The following LRP5 variants were observed in gnomAD, a reference collection of about 807,000 sequenced individuals.
LRP5 encodes the protein low-density lipoprotein receptor-related protein 5.
In LRP5, 62 loss-of-function variants were observed where a neutral mutation model predicts 154.1. The ratio of observed to expected loss-of-function variants is 0.40; its 90% CI spans 0.33 to 0.50. The LOEUF is 0.50. Among genes scored for constraint, LRP5 ranks in the 20% least tolerant of loss-of-function variants. The probability of loss-of-function intolerance (pLI) is 0.55; values close to 1 mark genes in which losing one functional copy is unlikely to be tolerated. For synonymous variants in LRP5, 966 were observed against 1,011.5 expected, an observed-to-expected ratio of 0.96 and a Z score of 0.85; for missense variants, 1,915 against 2,336.7, an observed-to-expected ratio of 0.82 and a Z score of 3.72.
At chr11:68,436,572 A>G (rs2098675084) in intron 18 of LRP5, among the ~76,000 whole-genome samples, 1 of 151,882 alleles carries the variant, frequency 6.6e-6, no homozygotes, top group African/African-American at 2.4e-5. Context: ...CCAACCTGGT[A>G]GAGCCTTGGG....
In LRP5 at chr11:68,357,807, C is replaced by G; in HGVS notation, c.646C>G (p.Leu216Val). The G allele has an allele frequency of 6.2e-7, 1 of 1,613,904 alleles. No homozygotes were observed. The change falls in exon 3 of 23, where the codon CTC becomes GTC. Residue 216 changes from leucine (L) to valine (V), a missense_variant. Physicochemically the swap from Leu to Val is conservative, Grantham distance 32. Transcript: ENST00000294304. ...GAAGCTCTACTGGGCTGACGCCAAG[C>G]TCAGCTTCATCCACCGTGCCAACCT... is the stretch of plus-strand genomic sequence containing the variant. Reference protein sequence around the residue: ...EQKLYWADAKLSFIHRANLDG... With the variant: ...EQKLYWADAKVSFIHRANLDG...
At position 68,343,910 on chromosome 11, in the gene LRP5, G is replaced by A. The variant is rs192258032; in HGVS notation, c.92-3937G>A. On this transcript the variant is annotated intron_variant, in intron 1 of 22. Transcript: ENST00000294304. ...ACTCCCCTGAATGTGCCGGGGCCTGGGGGCAGGGACCTGGGCTCCTCCCTC... is the reference window on the plus strand; with the variant it reads ...ACTCCCCTGAATGTGCCGGGGCCTGAGGGCAGGGACCTGGGCTCCTCCCTC... Among the ~76,000 whole-genome samples the A allele has an allele frequency of 1.7e-3, 259 of 152,278 alleles. 2 individuals are homozygous for A. The highest frequency in any genetic ancestry group is 5.9e-3 in the African/African-American group (247 of 41,572).
At chr11:68,331,200 C>T (rs538224253) in intron 1 of LRP5, among the ~76,000 whole-genome samples, 14 of 152,312 alleles carry the variant, frequency 9.2e-5, no homozygotes, top group African/African-American at 2.4e-4. Flanking sequence ...CGGGTGAGTC[C>T]GGGTAAGTGG....
At chr11:68,323,328 C>T (rs114847382) in intron 1 of LRP5, among the ~76,000 whole-genome samples, 4,257 of 151,892 alleles carry the variant, frequency 0.028, 179 homozygotes, top group African/African-American at 0.094. Context: ...GGGCTGGTCT[C>T]GAACTTCTGA....
the LRP5 span, among the ~76,000 whole-genome samples, chr11:68,300,616 C>T: frequency 2.7e-5 from 4 of 149,428 alleles, no homozygotes; most frequent in Admixed American, 6.7e-5. Context: ...ACTTGGACCC[C>T]AAATTCCCTG....
intron 5 of LRP5, among the ~76,000 whole-genome samples, chr11:68,368,725 G>A (rs539316765): frequency 6.6e-6 from 1 of 152,080 alleles, no homozygotes. Context: ...GTGACTGTGT[G>A]TCTGTGTGGG....
At chr11:68,378,163 T>C (rs1370942440) in intron 5 of LRP5, among the ~76,000 whole-genome samples, 6 of 170 alleles carry the variant, frequency 0.035, no homozygotes, top group Non-Finnish European at 0.06. Context: ...AAAAATTATC[T>C]TGTTTGTTTG....
chr11:68,362,384 T>A (rs1232519075), intron 3 of LRP5, among the ~76,000 whole-genome samples: 1 of 152,144 alleles, frequency 6.6e-6, no homozygotes, highest in Non-Finnish European at 1.5e-5. Context: ...ACTATTCACT[T>A]TAAAGTGGTA....
At chr11:68,303,824 G>T in the LRP5 span, among the ~76,000 whole-genome samples, 2 of 152,212 alleles carry the variant, frequency 1.3e-5, no homozygotes, top group Non-Finnish European at 2.9e-5. Flanking sequence ...CATTCAAGAT[G>T]TGGCCCAGCT....
chr11:68,406,540 G>C lies in LRP5; in HGVS notation c.1818G>C (p.Ala606=), dbSNP rs148603249. 2 of 1,614,108 alleles carry C rather than the reference G, an allele frequency of 1.2e-6. No homozygotes were observed. Among genetic ancestry groups the C allele is most frequent in the East Asian group, 2.2e-5 (1 of 44,888 alleles). Residue 606 remains alanine (A), a synonymous_variant, in exon 9 of 23, where the codon GCG becomes GCC. Transcript: ENST00000294304. ...VAKVVGTNPC[A]DRNGGCSHLC... ...CGCTTCCAGGAACCAACCCGTGTGC[G>C]GACAGGAACGGGGGGTGCAGCCACC...
chr11:68,318,655 T>C lies in LRP5; in HGVS notation c.91+5850T>C, dbSNP rs575357758. On this transcript the variant is annotated intron_variant, in intron 1 of 22. Transcript: ENST00000294304. ...CGCTGGGCCTTAATGTAGTTTTTCT[T>C]GTGGTTAAACTGAGGTGAAGGTTCA... 1.3e-3 allele frequency among the ~76,000 whole-genome samples: 198 copies of C among 152,278 alleles called. 1 individual carries two copies. The highest frequency in any genetic ancestry group is 4.7e-3 in the African/African-American group (195 of 41,552).
At chr11:68,397,966 GTGTGTT>G (rs1367234323) in intron 7 of LRP5, among the ~76,000 whole-genome samples, 1 of 137,306 alleles carries the variant, frequency 7.3e-6, no homozygotes, top group Non-Finnish European at 1.6e-5. Context: ...GCAGAGCTGT[GTGTGTT>G]TGTGTGTGTG....
At chr11:68,373,836 C>T (rs1167655575) in intron 5 of LRP5, among the ~76,000 whole-genome samples, 1 of 152,276 alleles carries the variant, frequency 6.6e-6, no homozygotes, top group African/African-American at 2.4e-5. Flanking sequence ...GCCCCATCCT[C>T]TGTGGAACGT....
At chr11:68,350,600 G>A (rs529769803) in intron 2 of LRP5, among the ~76,000 whole-genome samples, 1 of 152,356 alleles carries the variant, frequency 6.6e-6, no homozygotes, top group South Asian at 2.1e-4. Context: ...GGGCGGGAGG[G>A]GCTGGTTGCC....
intron 9 of LRP5, among the ~76,000 whole-genome samples, chr11:68,408,062 G>A (rs374400400): frequency 4.6e-5 from 7 of 152,018 alleles, no homozygotes; most frequent in Non-Finnish European, 8.8e-5. Context: ...TCTATGATTT[G>A]TTTTCTGCTT....
the LRP5 span, among the ~76,000 whole-genome samples, chr11:68,302,826 C>T: frequency 6.6e-6 from 1 of 152,212 alleles, no homozygotes; most frequent in African/African-American, 2.4e-5. Flanking sequence ...ACAAGCTGCC[C>T]TTCCCAGATG....
chr11:68,348,241 C>T lies in LRP5; in HGVS notation c.486C>T (p.His162=), dbSNP rs191882942. The T allele has an allele frequency of 2.8e-4, 456 of 1,604,744 alleles. 9 individuals are homozygous for T. In the Admixed American group the frequency reaches 6.5e-3, roughly 23 times the overall value. Residue 162 remains histidine (H), a splice_region_variant and synonymous_variant, in exon 2 of 23, where the codon CAC becomes CAT. Coordinates refer to ENST00000294304, the MANE Select transcript of LRP5 (RefSeq NM_002335.4). Reference sequence around the variant, plus strand: ...GGGCCATCGCCTTGGACCCCGCTCACGGGTAAACCCTGCTGCGACTCCACC... The same window carrying T: ...GGGCCATCGCCTTGGACCCCGCTCATGGGTAAACCCTGCTGCGACTCCACC... ...QPRAIALDPA[H]GYMYWTDWGE...
intron 5 of LRP5, among the ~76,000 whole-genome samples, chr11:68,376,575 G>A (rs531954370): frequency 1.3e-5 from 2 of 152,196 alleles, no homozygotes; most frequent in African/African-American, 2.4e-5. Context: ...TGGGCCTGGC[G>A]TCCTGGCCGG....
At chr11:68,407,418 C>T (rs908538091) in intron 9 of LRP5, among the ~76,000 whole-genome samples, 3 of 151,314 alleles carry the variant, frequency 2.0e-5, no homozygotes, top group South Asian at 2.1e-4. Context: ...GTGATCTGCC[C>T]GCCTCGGCCT....
Sources: gnomAD v4.1 joint callset for allele counts (sites outside exome capture counted in the v4.1 genomes callset) on GRCh38, gnomAD v4.1.1 for gene constraint, MANE v1.5 for transcripts, NCBI Gene and HGNC (gene_info 2026-07-23, HGNC 2026-07-21) for gene names.